Variants in DDX55 observed in about 807,000 individuals in gnomAD.
DDX55 encodes the protein DEAD-box helicase 55, also known as ATP-dependent RNA helicase DDX55.
A neutral mutation model predicts 69.2 loss-of-function variants in DDX55; 56 were observed. The ratio of observed to expected loss-of-function variants is 0.81; its 90% CI spans 0.65 to 1.01. DDX55 has a LOEUF of 1.01. Ranked by LOEUF, DDX55 falls within the 50% of genes least tolerant of loss-of-function variation. The pLI is 0.00. For synonymous variants in DDX55, 268 were observed against 273.1 expected, an observed-to-expected ratio of 0.98 and a Z score of 0.18; for missense variants, 720 against 745.1, an observed-to-expected ratio of 0.97 and a Z score of 0.39.
At chr12:123,616,947 G>A in intron 10 of DDX55, 1 of 274,094 alleles carries the variant, frequency 3.6e-6, no homozygotes, top group Admixed American at 4.9e-5. Context: ...TTGAGCCCAG[G>A]AATTCACCAG....
Position 123,617,845 on chromosome 12 carries a change from C to T in DDX55, c.1137C>T (p.Tyr379=), listed in dbSNP as rs749400815. The change falls in exon 11 of 14, where the codon TAC becomes TAT. Residue 379 remains tyrosine, a synonymous_variant. Coordinates refer to ENST00000238146, the MANE Select transcript of DDX55 (RefSeq NM_020936.3). ...TCCTCCTGCCCATGGAAGAGTCATA[C>T]ATCAATTTCCTTGCAATTAACCAAA... The part of the protein sequence containing the change: ...LVFLLPMEES[Y]INFLAINQKC... 2.3e-5 allele frequency: 37 copies of T among 1,614,082 alleles called. No individual in the cohort carries two copies. Among genetic ancestry groups the T allele is most frequent in the East Asian group, 1.3e-4 (6 of 44,892 alleles).
chr12:123,615,322 T>G lies in DDX55; in HGVS notation c.956+6T>G, dbSNP rs1049524248. ...GAGTTCCGCAAATTGCAAAGGTGGG[T>G]GGGCTTCATTGAAGGTAGCAGCTCT... On this transcript the variant is annotated splice_donor_region_variant and intron_variant, in intron 9 of 13. Coordinates refer to ENST00000238146, the MANE Select transcript of DDX55 (RefSeq NM_020936.3). 1 of 1,613,264 alleles carries G rather than the reference T, an allele frequency of 6.2e-7. No individual in the cohort carries two copies. The highest frequency in any genetic ancestry group is 1.3e-5 in the African/African-American group (1 of 75,026).
intron 8 of DDX55, 60 bp downstream of exon 8, chr12:123,613,312 T>C (rs920164251): frequency 6.4e-7 from 1 of 1,551,194 alleles, no homozygotes. Context: ...TGCAGGTGCA[T>C]GCGGCCTTTG....
chr12:123,606,827 C>T (rs139028219), intron 3 of DDX55, among the ~76,000 whole-genome samples: 56 of 152,258 alleles, frequency 3.7e-4, no homozygotes, highest in African/African-American at 1.2e-3. Context: ...CCTTCCGCCT[C>T]GGCCTCCCAA....
chr12:123,620,629 A>T lies in DDX55; in HGVS notation c.*489A>T, dbSNP rs980432155. On this transcript the variant is annotated 3_prime_UTR_variant, in exon 14 of 14. Transcript: ENST00000238146. ...ATATATATATATATATATATATATAAGCTCTTTTTTCTGAGGCTATTTTAT... is the reference window on the plus strand; with the variant it reads ...ATATATATATATATATATATATATATGCTCTTTTTTCTGAGGCTATTTTAT... 7 of 60,828 alleles carry T rather than the reference A, an allele frequency of 1.2e-4. No homozygotes were observed. Among genetic ancestry groups the T allele is most frequent in the Admixed American group, 2.0e-4 (1 of 5,068 alleles). 3.8% of individuals were successfully genotyped at this position (60,828 alleles called of 1,614,324 possible).
rs1210351693 is a variant in DDX55 at position 123,619,964 on chromosome 12, G to C, written c.1627G>C (p.Gly543Arg). The change falls in exon 14 of 14, where the codon GGT (glycine) becomes CGT (arginine). Residue 543 changes from glycine (G) to arginine (R), a missense_variant and splice_region_variant. By Grantham distance (125) the Gly-to-Arg change is moderately radical (BLOSUM62 -2). Coordinates refer to ENST00000238146, the MANE Select transcript of DDX55 (RefSeq NM_020936.3). Reference sequence around the variant, plus strand: ...GTTTATTGGTTTCTTCTGCACTTAGGGTTCTGATATTGAAGATGAGGACAT... The same window carrying C: ...GTTTATTGGTTTCTTCTGCACTTAGCGTTCTGATATTGAAGATGAGGACAT... Reference protein sequence around the residue: ...KMNEKRKREEGSDIEDEDMEE... With the variant: ...KMNEKRKREERSDIEDEDMEE... 1.9e-6 allele frequency: 3 copies of C among 1,611,540 alleles called. No homozygotes were observed. The highest frequency in any genetic ancestry group is 1.7e-5 in the Admixed American group (1 of 59,390).
chr12:123,605,905 C>T (rs377536646), intron 1 of DDX55, 26 bp from the exon 2 acceptor site: 70 of 1,613,950 alleles, frequency 4.3e-5, no homozygotes, highest in Non-Finnish European at 5.4e-5. Flanking sequence ...ATCCTTTAAC[C>T]AGTGCTTTGC....
Position 123,617,804 on chromosome 12 carries a change from G to A in DDX55, c.1096G>A (p.Gly366Ser), listed in dbSNP as rs1457564975. The A allele has an allele frequency of 6.2e-7, 1 of 1,613,896 alleles. No individual in the cohort carries two copies. Among genetic ancestry groups the A allele is most frequent in the East Asian group, 2.2e-5 (1 of 44,868 alleles). ...CGRTARIGHG[G>S]SALVFLLPME... is the part of the protein sequence containing the mutation. The stretch of plus-strand genomic sequence containing the variant: ...TCGCACAGCTCGCATTGGCCACGGG[G>A]GCAGCGCTCTGGTGTTCCTCCTGCC... The change falls in exon 11 of 14, where the codon GGC (glycine) becomes AGC (serine). Residue 366 changes from glycine to serine, a missense_variant. By Grantham distance (56) the Gly-to-Ser change is moderately conservative. Transcript: ENST00000238146.
chr12:123,611,361 T>G (rs1470576297), intron 7 of DDX55, among the ~76,000 whole-genome samples: 1 of 152,168 alleles, frequency 6.6e-6, no homozygotes, highest in Non-Finnish European at 1.5e-5. Context: ...GAGGCACAAA[T>G]GTAGAGAGCA....
intron 8 of DDX55, 114 bp from the exon 9 acceptor site, chr12:123,615,071 G>C: frequency 7.1e-7 from 1 of 1,415,050 alleles, no homozygotes; most frequent in Non-Finnish European, 9.8e-7. Flanking sequence ...CATTCCCCTA[G>C]GGAGGGCTTG....
At position 123,607,417 on chromosome 12, in the gene DDX55, C is replaced by T. The variant is rs538959609; in HGVS notation, c.247-15C>T. 1 of 1,613,570 alleles carries T rather than the reference C, an allele frequency of 6.2e-7. No homozygotes were observed. The highest frequency in any genetic ancestry group is 8.5e-7 in the Non-Finnish European group (1 of 1,179,866). Reference sequence around the variant, plus strand: ...CTTGTGCTGCTGACTGTGTCCCTTCCTTCCATGTGGGTAGGTTGGAGCCAT... The same window carrying T: ...CTTGTGCTGCTGACTGTGTCCCTTCTTTCCATGTGGGTAGGTTGGAGCCAT... On this transcript the variant is annotated splice_polypyrimidine_tract_variant and intron_variant, in intron 3 of 13. Transcript: ENST00000238146.
intron 9 of DDX55, among the ~76,000 whole-genome samples, chr12:123,615,943 G>T (rs911087216): frequency 6.6e-6 from 1 of 152,084 alleles, no homozygotes; most frequent in Non-Finnish European, 1.5e-5. Flanking sequence ...GACTGCGCCA[G>T]TGCACTCCAG....
Position 123,619,554 on chromosome 12 carries a change from T to C in DDX55, c.1456T>C (p.Phe486Leu), listed in dbSNP as rs755531417. ...PVDVNTDTIP[F>L]KDKIREKQRQ... ...GGACGTTAATACCGACACGATTCCA[T>C]TTAAAGATAAAATCAGAGAAAAGCA... Residue 486 changes from phenylalanine (F) to leucine (L), a missense_variant, in exon 13 of 14, where the codon TTT becomes CTT. Physicochemically the swap from Phe to Leu is conservative, Grantham distance 22. Transcript: ENST00000238146. The C allele has an allele frequency of 3.0e-5, 49 of 1,613,656 alleles. No individual in the cohort carries two copies. In the South Asian group the frequency reaches 4.9e-4, roughly 16 times the overall value.
chr12:123,615,028 G>A (rs979807517), intron 8 of DDX55, among the ~76,000 whole-genome samples, 157 bp from the exon 9 acceptor site: 1 of 152,136 alleles, frequency 6.6e-6, no homozygotes, highest in African/African-American at 2.4e-5. Context: ...TGAGAACTCA[G>A]TTGTGGATGA....
intron 12 of DDX55, 89 bp downstream of exon 12, chr12:123,618,926 A>G: frequency 6.5e-7 from 1 of 1,542,542 alleles, no homozygotes; most frequent in South Asian, 1.3e-5. Flanking sequence ...CATAAAAGGA[A>G]GTGTTCCCAG....
At chr12:123,609,516 C>A (rs1475838291) in intron 6 of DDX55, among the ~76,000 whole-genome samples, 1 of 151,586 alleles carries the variant, frequency 6.6e-6, no homozygotes. Flanking sequence ...TCTGGGACTA[C>A]AGGCACATGC....
chr12:123,605,189 TAAAA>T (rs1354781943), intron 1 of DDX55: 2 of 153,794 alleles, frequency 1.3e-5, no homozygotes, highest in African/African-American at 4.8e-5. Context: ...CCCACATAAT[TAAAA>T]AAATTTTCTT....
chr12:123,618,931 TC>T, intron 12 of DDX55, 94 bp downstream of exon 12: 3 of 1,533,170 alleles, frequency 2.0e-6, no homozygotes, highest in Non-Finnish European at 1.8e-6. Flanking sequence ...AAGGAAGTGT[TC>T]CCAGGTTTTG....
chr12:123,602,566 TTC>T (rs1953633356), intron 1 of DDX55, among the ~76,000 whole-genome samples: 1 of 152,214 alleles, frequency 6.6e-6, no homozygotes, highest in African/African-American at 2.4e-5. Flanking sequence ...TTCATTTTCC[TTC>T]TCTGTGAAAT....
Sources: allele counts gnomAD v4.1 joint callset (sites outside exome capture counted in the v4.1 genomes callset), GRCh38; gene constraint gnomAD v4.1.1; transcripts MANE v1.5; gene names NCBI Gene and HGNC (gene_info 2026-07-23, HGNC 2026-07-21).